The following RBMS3 variants were observed in gnomAD, a reference collection of about 807,000 sequenced individuals.
The protein encoded by RBMS3 is RNA binding motif single stranded interacting protein 3, also known as RNA-binding motif, single-stranded-interacting protein 3.
RBMS3 carries 27 observed loss-of-function variants against 66.8 expected under a neutral mutation model. That is an observed-to-expected ratio of 0.40 (90% CI 0.30 to 0.56). RBMS3 has a LOEUF of 0.56. RBMS3 is among the 20% of genes least tolerant of loss of function. The pLI, the probability that RBMS3 is intolerant of heterozygous loss-of-function variation, is 0.40. For missense variants in RBMS3, 513 were observed against 549.5 expected (o/e 0.93, Z 0.66); for synonymous variants, 188 against 183.0 (o/e 1.03, Z -0.22).
At chr3:29,864,049 T>A (rs78471281) in intron 6 of RBMS3, among the ~76,000 whole-genome samples, 1,890 of 152,300 alleles carry the variant, frequency 0.012, 41 homozygotes, top group African/African-American at 0.043. Flanking sequence ...ATGGTCTCTT[T>A]TAATGAGGAA....
At chr3:29,998,057 C>A (rs1263167167) in intron 14 of RBMS3, among the ~76,000 whole-genome samples, 1 of 152,156 alleles carries the variant, frequency 6.6e-6, no homozygotes. Context: ...AGCTGATAAG[C>A]AACTTCAGCA....
chr3:29,465,820 G>A lies in RBMS3; in HGVS notation c.249-22621G>A, dbSNP rs9848359. Among the ~76,000 whole-genome samples the A allele has an allele frequency of 9.1e-4, 139 of 152,142 alleles. 1 individual carries two copies. Among genetic ancestry groups the A allele is most frequent in the African/African-American group, 3.1e-3 (127 of 41,506 alleles). On this transcript the variant is annotated intron_variant, in intron 2 of 14. Transcript: ENST00000383767. ...ATGCAAATTCTAAAGTCATTTGAAG[G>A]GGATCTTACAGATGTGCTTTGTTAT...
At position 29,930,109 on chromosome 3, in the gene RBMS3, C is replaced by CTTTCTTTCTTTTT. The variant is rs71091082; in HGVS notation, c.940-5974_940-5973insCTTTCTTTTTTTT. 9.7e-4 allele frequency among the ~76,000 whole-genome samples: 42 copies of CTTTCTTTCTTTTT among 43,444 alleles called. 2 individuals carry two copies. Among genetic ancestry groups the CTTTCTTTCTTTTT allele is most frequent in the East Asian group, 2.3e-3 (3 of 1,286 alleles). 28.5% of individuals were successfully genotyped at this position (43,444 alleles called of 152,430 possible). On this transcript the variant is annotated intron_variant, in intron 10 of 14. Coordinates refer to ENST00000383767, the MANE Select transcript of RBMS3 (RefSeq NM_001003793.3). The stretch of plus-strand genomic sequence containing the variant: ...TACTTTGTGTCACTTTTCTTTCTTT[C>CTTTCTTTCTTTTT]TTTTTTTTTTTTTTTTTTTTGAGAT...
intron 10 of RBMS3, among the ~76,000 whole-genome samples, chr3:29,932,384 A>G (rs2061151833): frequency 6.6e-6 from 1 of 152,220 alleles, no homozygotes; most frequent in Non-Finnish European, 1.5e-5. Flanking sequence ...CACTGGCTTT[A>G]TACGATAGCA....
At chr3:29,361,991 G>A (rs1332585485) in intron 1 of RBMS3, among the ~76,000 whole-genome samples, 2 of 152,178 alleles carry the variant, frequency 1.3e-5, no homozygotes, top group African/African-American at 4.8e-5. Flanking sequence ...CAATGGGTTT[G>A]AACTTCCTTC....
intron 4 of RBMS3, among the ~76,000 whole-genome samples, chr3:29,590,071 G>A (rs2149098278): frequency 7.0e-6 from 1 of 142,966 alleles, no homozygotes. Flanking sequence ...TTACTGTTCT[G>A]CCACAAAGGA....
intron 4 of RBMS3, among the ~76,000 whole-genome samples, chr3:29,682,706 A>G (rs1167193835): frequency 6.6e-6 from 1 of 152,128 alleles, no homozygotes. Context: ...ACTCTATAAC[A>G]TTTCTATTCT....
At chr3:29,733,337 G>T (rs1447468001) in intron 4 of RBMS3, among the ~76,000 whole-genome samples, 1 of 150,588 alleles carries the variant, frequency 6.6e-6, no homozygotes, top group Non-Finnish European at 1.5e-5. Flanking sequence ...AATCATGGAG[G>T]TGCACGTATC....
chr3:29,350,545 A>G (rs2036848124), intron 1 of RBMS3, among the ~76,000 whole-genome samples: 2 of 152,178 alleles, frequency 1.3e-5, no homozygotes, highest in Non-Finnish European at 2.9e-5. Context: ...TCATGTATGT[A>G]TAAGGCACTA....
intron 10 of RBMS3, among the ~76,000 whole-genome samples, chr3:29,934,590 T>C (rs907983998): frequency 2.6e-5 from 4 of 152,170 alleles, no homozygotes; most frequent in African/African-American, 9.6e-5. Context: ...GGCATCCTGA[T>C]GAATGACAAT....
At chr3:29,396,889 G>A (rs7642108) in intron 1 of RBMS3, among the ~76,000 whole-genome samples, 4 of 152,116 alleles carry the variant, frequency 2.6e-5, no homozygotes, top group Non-Finnish European at 5.9e-5. Flanking sequence ...AGGCAGGGAC[G>A]TTTTCTCTTG....
At chr3:29,296,165 G>C (rs777120995) in intron 1 of RBMS3, among the ~76,000 whole-genome samples, 9 of 151,586 alleles carry the variant, frequency 5.9e-5, no homozygotes, top group Non-Finnish European at 1.2e-4. Context: ...ATTACTTGGG[G>C]GCTGCTCTTT....
intron 6 of RBMS3, among the ~76,000 whole-genome samples, chr3:29,836,039 C>A (rs2058499158): frequency 6.6e-6 from 1 of 151,262 alleles, no homozygotes; most frequent in Non-Finnish European, 1.5e-5. Context: ...TTCCTAGAAA[C>A]AAACAACCTA....
intron 14 of RBMS3, among the ~76,000 whole-genome samples, chr3:29,994,218 C>T (rs11709964): frequency 0.13 from 19,792 of 152,166 alleles, 1,529 homozygotes; most frequent in Middle Eastern, 0.22. Context: ...TGCACTTTTC[C>T]CACGGGCTTA....
intron 4 of RBMS3, among the ~76,000 whole-genome samples, chr3:29,701,351 A>G (rs1462063717): frequency 1.3e-5 from 2 of 152,210 alleles, no homozygotes; most frequent in East Asian, 3.9e-4. Context: ...AGGAACCAGA[A>G]TGTAAGAGCT....
chr3:29,643,861 AAC>A (rs1282891788), intron 4 of RBMS3, among the ~76,000 whole-genome samples: 5 of 152,164 alleles, frequency 3.3e-5, no homozygotes, highest in Non-Finnish European at 7.3e-5. Flanking sequence ...GAAAAAGGAA[AAC>A]ACACACACAT....
chr3:29,661,599 G>T (rs1201165016), intron 4 of RBMS3, among the ~76,000 whole-genome samples: 1 of 151,996 alleles, frequency 6.6e-6, no homozygotes, highest in African/African-American at 2.4e-5. Flanking sequence ...GTATAATCCT[G>T]CTGAATGTAT....
rs1262229874 is a variant in RBMS3 at position 29,433,316 on chromosome 3, C to T, written c.76-1427C>T. On this transcript the variant is annotated intron_variant, in intron 1 of 14. Coordinates refer to ENST00000383767, the MANE Select transcript of RBMS3 (RefSeq NM_001003793.3). ...GATAAAATAGCTAAAGACTCTTCATCTTCAGATGAGAACCCAGCCCAAAGT... is the reference window on the plus strand; with the variant it reads ...GATAAAATAGCTAAAGACTCTTCATTTTCAGATGAGAACCCAGCCCAAAGT... Among the ~76,000 whole-genome samples, 3 of 152,136 alleles carry T rather than the reference C, an allele frequency of 2.0e-5. No homozygotes were observed. The East Asian group carries it at 5.8e-4, about 29-fold the overall frequency.
At chr3:29,589,671 T>G (rs985415962) in intron 4 of RBMS3, among the ~76,000 whole-genome samples, 2 of 152,086 alleles carry the variant, frequency 1.3e-5, no homozygotes, top group Non-Finnish European at 2.9e-5. Context: ...ATTTTCCTCC[T>G]TTGTCCTGGT....
Sources: allele counts gnomAD v4.1 joint callset (sites outside exome capture counted in the v4.1 genomes callset), GRCh38; gene constraint gnomAD v4.1.1; transcripts MANE v1.5; gene names NCBI Gene and HGNC (gene_info 2026-07-23, HGNC 2026-07-21).